SPOCK1: variants seen among roughly 807,000 people sequenced by gnomAD.
SPOCK1 encodes testican-1.
Under a neutral mutation model 55.3 loss-of-function variants are expected in SPOCK1, and 23 were observed. That is an observed-to-expected ratio of 0.42 (90% CI 0.30 to 0.59). SPOCK1 has a LOEUF of 0.59. SPOCK1 is among the 20% of genes least tolerant of loss of function. The probability of loss-of-function intolerance (pLI) is 0.22; values close to 1 mark genes in which losing one functional copy is unlikely to be tolerated. For missense variants in SPOCK1, 499 were observed against 552.5 expected (o/e 0.90, Z 0.97); for synonymous variants, 226 against 221.0 (o/e 1.02, Z -0.20).
At chr5:137,461,234 C>T (rs192381713) in intron 2 of SPOCK1, among the ~76,000 whole-genome samples, 23 of 152,290 alleles carry the variant, frequency 1.5e-4, no homozygotes, top group African/African-American at 4.8e-4. Flanking sequence ...GGGAGATCCA[C>T]GAAACTTTAC....
intron 2 of SPOCK1, among the ~76,000 whole-genome samples, chr5:137,428,530 C>G (rs1199031570): frequency 6.6e-6 from 1 of 152,184 alleles, no homozygotes; most frequent in Non-Finnish European, 1.5e-5. Flanking sequence ...TTGTGTCAAC[C>G]ATTTTCATTC....
At chr5:137,072,134 T>C (rs1228853228) in intron 5 of SPOCK1, among the ~76,000 whole-genome samples, 1 of 152,196 alleles carries the variant, frequency 6.6e-6, no homozygotes, top group East Asian at 1.9e-4. Context: ...AGCCTCAGGA[T>C]ATGAGCAGTT....
At chr5:137,231,332 C>A (rs1342282593) in intron 3 of SPOCK1, among the ~76,000 whole-genome samples, 1 of 152,210 alleles carries the variant, frequency 6.6e-6, no homozygotes, top group Non-Finnish European at 1.5e-5. Flanking sequence ...TAGGCGTGAG[C>A]CACCGCACCC....
At chr5:137,031,528 G>C (rs976652990) in intron 6 of SPOCK1, among the ~76,000 whole-genome samples, 3 of 152,192 alleles carry the variant, frequency 2.0e-5, no homozygotes, top group African/African-American at 7.2e-5. Context: ...GATGAGTTTT[G>C]TAAGTGTTTT....
intron 6 of SPOCK1, among the ~76,000 whole-genome samples, chr5:137,041,633 C>T (rs906759898): frequency 6.6e-6 from 1 of 152,144 alleles, no homozygotes; most frequent in African/African-American, 2.4e-5. Context: ...AACAACCCAA[C>T]TTTAAAAGTG....
chr5:137,293,782 C>T (rs551978031), intron 2 of SPOCK1, among the ~76,000 whole-genome samples: 1 of 152,000 alleles, frequency 6.6e-6, no homozygotes, highest in African/African-American at 2.4e-5. Flanking sequence ...TTTGGGAGGC[C>T]GAGGCGGGTG....
In SPOCK1 at chr5:137,356,838, T is replaced by TAGAGAGAGAGAGAGAG. The variant is rs1177060339; in HGVS notation, c.187-89799_187-89784dup. Among the ~76,000 whole-genome samples, 38 of 5,454 alleles carry TAGAGAGAGAGAGAGAG rather than the reference T, an allele frequency of 7.0e-3. 5 individuals carry two copies. The highest frequency in any genetic ancestry group is 8.3e-3 in the Non-Finnish European group (27 of 3,236). 3.6% of individuals were successfully genotyped at this position (5,454 alleles called of 152,430 possible). ...ATATATATATATATATATATATATA[T>TAGAGAGAGAGAGAGAG]AGAGAGAGAGAGAGAGAGAGAGAGA... On this transcript the variant is annotated intron_variant, in intron 2 of 10. Coordinates refer to ENST00000394945, the MANE Select transcript of SPOCK1 (RefSeq NM_004598.4).
chr5:137,106,958 TC>T (rs1239756406), intron 5 of SPOCK1, among the ~76,000 whole-genome samples: 4 of 151,880 alleles, frequency 2.6e-5, no homozygotes, highest in Non-Finnish European at 5.9e-5. Context: ...TTCGACCCCC[TC>T]CTCCCTGACT....
chr5:137,403,028 T>C (rs1352111888), intron 2 of SPOCK1, among the ~76,000 whole-genome samples: 1 of 152,258 alleles, frequency 6.6e-6, no homozygotes, highest in Non-Finnish European at 1.5e-5. Context: ...ACACAGCTGA[T>C]GACTTCAGAA....
At chr5:137,195,564 T>C (rs539036728) in intron 3 of SPOCK1, among the ~76,000 whole-genome samples, 7 of 152,324 alleles carry the variant, frequency 4.6e-5, no homozygotes, top group African/African-American at 1.7e-4. Flanking sequence ...GGATGGGGCT[T>C]AGGCATGACG....
chr5:137,282,211 A>G (rs533230871), intron 2 of SPOCK1, among the ~76,000 whole-genome samples: 1 of 152,214 alleles, frequency 6.6e-6, no homozygotes, highest in Non-Finnish European at 1.5e-5. Flanking sequence ...TTAAAAATAT[A>G]CCGCTACTTT....
chr5:137,168,607 C>T (rs1380258344), intron 3 of SPOCK1, among the ~76,000 whole-genome samples: 1 of 152,068 alleles, frequency 6.6e-6, no homozygotes, highest in African/African-American at 2.4e-5. Context: ...TAAAAAGGTG[C>T]TCAACATCAC....
chr5:137,028,036 G>T (rs1392692717), intron 6 of SPOCK1, among the ~76,000 whole-genome samples: 2 of 152,086 alleles, frequency 1.3e-5, no homozygotes, highest in African/African-American at 4.8e-5. Context: ...CCTCCAAACT[G>T]GTATAACTAA....
intron 2 of SPOCK1, among the ~76,000 whole-genome samples, chr5:137,295,524 T>C (rs1025297258): frequency 2.6e-5 from 4 of 152,146 alleles, no homozygotes; most frequent in Admixed American, 2.0e-4. Flanking sequence ...TTAAGAAAAA[T>C]ACAACTTTAT....
At chr5:137,411,139 C>T (rs573459551) in intron 2 of SPOCK1, among the ~76,000 whole-genome samples, 2 of 152,174 alleles carry the variant, frequency 1.3e-5, no homozygotes, top group African/African-American at 2.4e-5. Flanking sequence ...CAGGTGCAGT[C>T]CCTGCCCTCA....
At chr5:137,306,517 T>C (rs1172527743) in intron 2 of SPOCK1, among the ~76,000 whole-genome samples, 1 of 152,112 alleles carries the variant, frequency 6.6e-6, no homozygotes, top group Admixed American at 6.5e-5. Context: ...TTATCAAAAA[T>C]AAAAAGCAAA....
Position 137,131,989 on chromosome 5 carries a change from AATATATATATATAT to A in SPOCK1, c.347+8577_347+8590del, listed in dbSNP as rs869252723. Among the ~76,000 whole-genome samples the A allele has an allele frequency of 1.2e-3, 45 of 36,058 alleles. 1 individual carries two copies. The highest frequency in any genetic ancestry group is 0.021 in the Middle Eastern group (1 of 48). 23.7% of individuals were successfully genotyped at this position (36,058 alleles called of 152,430 possible). A position where few individuals can be genotyped will look rare whatever the true frequency, so the allele number is the denominator to read the frequency against. ...TCCGTCTCAAAAAAAAAAAAAAAAA[AATATATATATATAT>A]ATATATATATATATATAAAAAATTA... On this transcript the variant is annotated intron_variant, in intron 4 of 10. Transcript: ENST00000394945.
chr5:137,342,595 T>C lies in SPOCK1; in HGVS notation c.187-75540A>G, dbSNP rs565021888. On this transcript the variant is annotated intron_variant, in intron 2 of 10. Transcript: ENST00000394945. ...GGCAGAAGTGTGAACAATAGTGGTG[T>C]TGAATGACAGAGACAGTAGGTTCCT... Among the ~76,000 whole-genome samples the C allele has an allele frequency of 9.9e-4, 151 of 152,316 alleles. 1 individual carries two copies. Among genetic ancestry groups the C allele is most frequent in the South Asian group, 6.0e-3 (29 of 4,826 alleles).
At chr5:137,129,182 T>G (rs1753829645) in intron 4 of SPOCK1, among the ~76,000 whole-genome samples, 1 of 152,198 alleles carries the variant, frequency 6.6e-6, no homozygotes, top group Admixed American at 6.5e-5. Flanking sequence ...CCATACTCCT[T>G]CTTTCCTGAA....
Sources: gnomAD v4.1 joint callset for allele counts (sites outside exome capture counted in the v4.1 genomes callset) on GRCh38, gnomAD v4.1.1 for gene constraint, MANE v1.5 for transcripts, NCBI Gene and HGNC (gene_info 2026-07-23, HGNC 2026-07-21) for gene names.